CCDC85A: variants seen among roughly 807,000 people sequenced by gnomAD.
CCDC85A encodes the protein coiled-coil domain containing 85A.
In CCDC85A, 38 loss-of-function variants were observed where a neutral mutation model predicts 50.2. The observed-to-expected ratio is 0.76, with a 90% CI of 0.58 to 0.99. CCDC85A has a LOEUF of 0.99. Ranked by LOEUF, CCDC85A falls within the 50% of genes least tolerant of loss-of-function variation. The pLI, the probability that CCDC85A is intolerant of heterozygous loss-of-function variation, is 0.00. For synonymous variants in CCDC85A, 366 were observed against 301.4 expected (o/e 1.21, Z -2.22); for missense variants, 820 against 742.0 (o/e 1.11, Z -1.22).
chr2:56,327,604 G>A (rs1673541313), intron 2 of CCDC85A, among the ~76,000 whole-genome samples: 1 of 152,072 alleles, frequency 6.6e-6, no homozygotes, highest in Non-Finnish European at 1.5e-5. Context: ...AGCCTACGGT[G>A]TCTTAGTAGT....
chr2:56,325,355 A>G (rs2104275724), intron 2 of CCDC85A, among the ~76,000 whole-genome samples: 1 of 152,242 alleles, frequency 6.6e-6, no homozygotes, highest in South Asian at 2.1e-4. Flanking sequence ...CTCAGGAAGC[A>G]TAAATATTGA....
intron 3 of CCDC85A, among the ~76,000 whole-genome samples, chr2:56,343,593 T>C (rs1363031003): frequency 6.6e-6 from 1 of 152,192 alleles, no homozygotes; most frequent in African/African-American, 2.4e-5. Context: ...ATGATGCTGG[T>C]CTTTTGAGGA....
chr2:56,188,938 C>A (rs1406299679), intron 1 of CCDC85A, among the ~76,000 whole-genome samples: 1 of 152,190 alleles, frequency 6.6e-6, no homozygotes, highest in African/African-American at 2.4e-5. Context: ...GCTAAGATGT[C>A]CACATTAGAA....
At chr2:56,357,318 A>G (rs1675283318) in intron 3 of CCDC85A, among the ~76,000 whole-genome samples, 2 of 152,188 alleles carry the variant, frequency 1.3e-5, no homozygotes, top group African/African-American at 4.8e-5. Context: ...TAATATTAAT[A>G]AAATTCATCA....
intron 2 of CCDC85A, among the ~76,000 whole-genome samples, chr2:56,222,458 T>G (rs1196241400): frequency 6.6e-6 from 1 of 152,064 alleles, no homozygotes; most frequent in Non-Finnish European, 1.5e-5. Flanking sequence ...AGCTTCCTAT[T>G]TTTATGTGCA....
At chr2:56,319,234 T>C (rs1673056010) in intron 2 of CCDC85A, among the ~76,000 whole-genome samples, 1 of 152,118 alleles carries the variant, frequency 6.6e-6, no homozygotes, top group Non-Finnish European at 1.5e-5. Context: ...GGTACTGTTA[T>C]TAACCCATTT....
At chr2:56,335,356 A>G (rs1553413232) in intron 2 of CCDC85A, among the ~76,000 whole-genome samples, 1 of 152,120 alleles carries the variant, frequency 6.6e-6, no homozygotes, top group Non-Finnish European at 1.5e-5. Flanking sequence ...GGTTTATTGA[A>G]AAGTTTGTCT....
At chr2:56,187,781 T>C (rs1676115740) in intron 1 of CCDC85A, among the ~76,000 whole-genome samples, 1 of 152,156 alleles carries the variant, frequency 6.6e-6, no homozygotes, top group Non-Finnish European at 1.5e-5. Flanking sequence ...AGATTCTAGT[T>C]AGGGTTATGT....
chr2:56,343,090 A>T, intron 3 of CCDC85A, 135 bp downstream of exon 3: 1 of 607,938 alleles, frequency 1.6e-6, no homozygotes, highest in South Asian at 2.0e-5. Context: ...TCATCAATGT[A>T]GAGTGTGATT....
chr2:56,197,688 T>A (rs1021819561), intron 2 of CCDC85A, among the ~76,000 whole-genome samples: 1 of 152,194 alleles, frequency 6.6e-6, no homozygotes, highest in South Asian at 2.1e-4. Context: ...AGAAAACTTC[T>A]CCTTTTCCTT....
chr2:56,196,167 A>T (rs1676512285), intron 2 of CCDC85A, among the ~76,000 whole-genome samples: 1 of 152,186 alleles, frequency 6.6e-6, no homozygotes, highest in Non-Finnish European at 1.5e-5. Flanking sequence ...ATAATTTCTT[A>T]ATTAGTAGGT....
chr2:56,208,479 C>G (rs1197920123), intron 2 of CCDC85A, among the ~76,000 whole-genome samples: 1 of 152,100 alleles, frequency 6.6e-6, no homozygotes, highest in Non-Finnish European at 1.5e-5. Flanking sequence ...GGTTACAACA[C>G]ATATTTTATT....
At chr2:56,218,726 C>T (rs778782977) in intron 2 of CCDC85A, among the ~76,000 whole-genome samples, 7 of 151,800 alleles carry the variant, frequency 4.6e-5, no homozygotes, top group Admixed American at 2.6e-4. Context: ...ATGATGTCCC[C>T]GAAATTTCTT....
intron 3 of CCDC85A, among the ~76,000 whole-genome samples, chr2:56,361,355 T>C (rs1222148443): frequency 6.6e-6 from 1 of 152,232 alleles, no homozygotes; most frequent in Non-Finnish European, 1.5e-5. Context: ...GAATCTTTTT[T>C]GAGCATCTCT....
At chr2:56,275,292 C>T (rs929401680) in intron 2 of CCDC85A, among the ~76,000 whole-genome samples, 1 of 152,264 alleles carries the variant, frequency 6.6e-6, no homozygotes, top group South Asian at 2.1e-4. Flanking sequence ...CATTTTTTAA[C>T]ATTTTTTAAC....
chr2:56,290,347 GC>G (rs1294275355), intron 2 of CCDC85A, among the ~76,000 whole-genome samples: 11 of 151,960 alleles, frequency 7.2e-5, no homozygotes, highest in Admixed American at 2.6e-4. Flanking sequence ...GGTTGGAGGG[GC>G]CCTATGAATA....
chr2:56,261,239 G>C (rs1431043488), intron 2 of CCDC85A, among the ~76,000 whole-genome samples: 5 of 152,186 alleles, frequency 3.3e-5, no homozygotes, highest in African/African-American at 1.2e-4. Context: ...CATTCTTATA[G>C]AGAGACTATA....
At chr2:56,356,946 G>T (rs373876628) in intron 3 of CCDC85A, among the ~76,000 whole-genome samples, 20 of 151,710 alleles carry the variant, frequency 1.3e-4, no homozygotes, top group South Asian at 6.3e-4. Context: ...AGGCGTGGTG[G>T]TGGGCACCTG....
At chr2:56,285,166 A>G (rs1671377790) in intron 2 of CCDC85A, among the ~76,000 whole-genome samples, 3 of 151,204 alleles carry the variant, frequency 2.0e-5, no homozygotes. Context: ...CAGTGGCACA[A>G]TCTCAGCTCA....
Sources: gnomAD v4.1 joint callset for allele counts (sites outside exome capture counted in the v4.1 genomes callset) on GRCh38, gnomAD v4.1.1 for gene constraint, MANE v1.5 for transcripts, NCBI Gene and HGNC (gene_info 2026-07-23, HGNC 2026-07-21) for gene names.